The following DAZAP1 variants were observed in gnomAD, a reference collection of about 807,000 sequenced individuals.
DAZAP1 encodes the protein DAZ-associated protein 1.
In DAZAP1, 6 loss-of-function variants were observed where a neutral mutation model predicts 60.1. The observed-to-expected ratio is 0.10, with a 90% CI of 0.05 to 0.20. The LOEUF (loss-of-function observed/expected upper bound fraction) is 0.20. Among genes scored for constraint, DAZAP1 ranks in the 10% least tolerant of loss-of-function variants. The pLI is 1.00. For synonymous variants in DAZAP1, 235 were observed against 215.9 expected (o/e 1.09, Z -0.78); for missense variants, 366 against 560.4 (o/e 0.65, Z 3.50).
At position 1,426,050 on chromosome 19, in the gene DAZAP1, A is replaced by C; in HGVS notation, c.546+90A>C. 1 of 1,003,348 alleles carries C rather than the reference A, an allele frequency of 1.0e-6. No individual in the cohort carries two copies. The highest frequency in any genetic ancestry group is 1.6e-6 in the Non-Finnish European group (1 of 625,292). 62.2% of individuals were successfully genotyped at this position (1,003,348 alleles called of 1,614,324 possible). On this transcript the variant is annotated intron_variant, in intron 7 of 11. Transcript: ENST00000233078. This position sits in a 1 kb window ranked among gnomAD's most constrained non-coding sequence, Gnocchi z 5.4. The stretch of plus-strand genomic sequence containing the variant: ...ACTGGAAAGGAACATTCCTTCACGG[A>C]AAGGGTCGGGCGAGTTCGTCCTGTG...
In DAZAP1 at chr19:1,413,989, CTGTGTGTGTG is replaced by C. The variant is rs3065755; in HGVS notation, c.30-3477_30-3468del. ...TGCCTCTTGCCCCACCCCCAGTGAACTGTGTGTGTGTGTGTGTGTGTGTGTGTGTGTGTGT... is the reference window on the plus strand; with the variant it reads ...TGCCTCTTGCCCCACCCCCAGTGAACTGTGTGTGTGTGTGTGTGTGTGTGT... On this transcript the variant is annotated intron_variant, in intron 1 of 11. Transcript: ENST00000233078. Among the ~76,000 whole-genome samples, 147 of 130,154 alleles carry C rather than the reference CTGTGTGTGTG, an allele frequency of 1.1e-3. 2 individuals carry two copies. Among genetic ancestry groups the C allele is most frequent in the East Asian group, 6.4e-3 (28 of 4,398 alleles). The allele number at this position is 130,154 out of a possible 152,430, so 85.4% of individuals were successfully genotyped here.
intron 4 of DAZAP1, among the ~76,000 whole-genome samples, chr19:1,419,134 C>A (rs2083073624): frequency 6.6e-6 from 1 of 152,184 alleles, no homozygotes; most frequent in Non-Finnish European, 1.5e-5. Context: ...CACTTGAGAT[C>A]CCCTGACGTG....
At chr19:1,421,115 G>T (rs370844328) in intron 4 of DAZAP1, 33 bp from the exon 5 acceptor site, 12 of 1,603,400 alleles carry the variant, frequency 7.5e-6, no homozygotes, top group East Asian at 2.2e-5. Context: ...GAGGGTTCCC[G>T]TGTGAACTAA....
At chr19:1,409,727 C>T (rs941084019) in intron 1 of DAZAP1, 17 of 152,398 alleles carry the variant, frequency 1.1e-4, no homozygotes, top group African/African-American at 4.1e-4. Context: ...AAGCGCCCTC[C>T]TGGCAAGTCC....
chr19:1,407,616 GGCAGCCGCCGCCGCCGCCGCCGCC>G lies in DAZAP1; in HGVS notation c.-155_-132del. 4.8e-6 allele frequency: 1 copy of G among 206,566 alleles called. No individual in the cohort carries two copies. The allele number at this position is 206,566 out of a possible 1,614,324, so 12.8% of individuals were successfully genotyped here. On this transcript the variant is annotated 5_prime_UTR_variant, in exon 1 of 12. Transcript: ENST00000233078. ...GTGACCGTTGGCGCCGAGGGGAGGA[GGCAGCCGCCGCCGCCGCCGCCGCC>G]GCCGCCGCCGCCGCCGCCGCCGTTG... is the stretch of plus-strand genomic sequence containing the variant.
intron 10 of DAZAP1, among the ~76,000 whole-genome samples, 184 bp downstream of exon 10, chr19:1,430,546 C>T (rs903649499): frequency 5.3e-5 from 8 of 152,160 alleles, no homozygotes; most frequent in African/African-American, 1.7e-4. Context: ...CCTGTGGCCT[C>T]GCTGGTTAGG....
At chr19:1,414,027 GTGTGTT>G (rs1389190890) in intron 1 of DAZAP1, among the ~76,000 whole-genome samples, 1 of 150,280 alleles carries the variant, frequency 6.7e-6, no homozygotes, top group African/African-American at 2.5e-5. Context: ...GTGTGTGTGT[GTGTGTT>G]TAGATGGACC....
chr19:1,414,447 G>A (rs2082916128), intron 1 of DAZAP1, among the ~76,000 whole-genome samples: 1 of 152,138 alleles, frequency 6.6e-6, no homozygotes, highest in South Asian at 2.1e-4. Flanking sequence ...ACAGCACAGT[G>A]ATCAAAATTG....
chr19:1,433,793 GTC>G lies in DAZAP1; in HGVS notation c.1049-942_1049-941del, dbSNP rs1569107546. On this transcript the variant is annotated intron_variant, in intron 11 of 11. Coordinates refer to ENST00000233078, the MANE Select transcript of DAZAP1 (RefSeq NM_018959.4). This position sits in a 1 kb window ranked among gnomAD's most constrained non-coding sequence, Gnocchi z 6.1. ...GGCTGCGGCCCACACTTTGTTTACA[GTC>G]TTATGGTCAGGCTGAGCAGTGATGT... is the stretch of plus-strand genomic sequence containing the variant. 12 of 1,614,046 alleles carry G rather than the reference GTC, an allele frequency of 7.4e-6. No individual in the cohort carries two copies. The highest frequency in any genetic ancestry group is 9.3e-6 in the Non-Finnish European group (11 of 1,179,934).
intron 4 of DAZAP1, among the ~76,000 whole-genome samples, chr19:1,419,493 C>T (rs1427095796): frequency 3.3e-5 from 5 of 152,182 alleles, no homozygotes; most frequent in Non-Finnish European, 7.3e-5. Context: ...AAATGACGGC[C>T]ACCCCTCGCA....
rs752562457 is a variant in DAZAP1, at chr19:1,421,272, C to T, written c.414+14C>T. On this transcript the variant is annotated intron_variant, in intron 5 of 11. Coordinates refer to ENST00000233078, the MANE Select transcript of DAZAP1 (RefSeq NM_018959.4). ...AAGTTCGGAGTGGTGAGTTTCTCCCCACCCCGGCAGCACTGTGGGGACAGA... is the reference window on the plus strand; with the variant it reads ...AAGTTCGGAGTGGTGAGTTTCTCCCTACCCCGGCAGCACTGTGGGGACAGA... 1.2e-6 allele frequency: 2 copies of T among 1,609,984 alleles called. No homozygotes were observed. Among genetic ancestry groups the T allele is most frequent in the African/African-American group, 1.3e-5 (1 of 74,972 alleles).
At chr19:1,430,161 C>A in intron 9 of DAZAP1, 61 bp from the exon 10 acceptor site, 3 of 1,553,842 alleles carry the variant, frequency 1.9e-6, no homozygotes, top group Non-Finnish European at 1.8e-6. Flanking sequence ...CTGGGTCTAA[C>A]TGTGGCCAGT....
intron 6 of DAZAP1, among the ~76,000 whole-genome samples, chr19:1,424,503 C>T (rs2083257059): frequency 6.6e-6 from 1 of 151,700 alleles, no homozygotes. Context: ...GCCCCGTTTC[C>T]ATCTTTCCCC....
chr19:1,432,582 G>T lies in DAZAP1; in HGVS notation c.940G>T (p.Ala314Ser), dbSNP rs747391193. Residue 314 changes from alanine to serine, a missense_variant, in exon 11 of 12, where the codon GCC (alanine) becomes TCC (serine). Ala to Ser is a moderately conservative substitution (Grantham distance 99, BLOSUM62 1). This residue lies in a region of DAZAP1 where 240 missense variants were observed against 308.8 expected (regional missense o/e 0.78). Coordinates refer to ENST00000233078, the MANE Select transcript of DAZAP1 (RefSeq NM_018959.4). The surrounding 1 kb of genome is among the most constrained non-coding windows in gnomAD (Gnocchi z 4.9). ...CCCTCCGGGGGTTCCTCCTCCACCA[G>T]CCACTCCCGGGGCAGCACCTCTGGC... is the stretch of plus-strand genomic sequence containing the variant. ...FAPPGVPPPP[A>S]TPGAAPLAFP... The T allele has an allele frequency of 3.1e-6, 5 of 1,613,732 alleles. No individual in the cohort carries two copies. In the South Asian group the frequency reaches 4.4e-5, roughly 14 times the overall value.
Position 1,434,976 on chromosome 19 carries a change from A to G in DAZAP1, c.*64A>G, listed in dbSNP as rs1334513945. 6 of 840,486 alleles carry G rather than the reference A, an allele frequency of 7.1e-6. No individual in the cohort carries two copies. The highest frequency in any genetic ancestry group is 3.1e-4 in the Middle Eastern group (1 of 3,258). 52.1% of individuals were successfully genotyped at this position (840,486 alleles called of 1,614,324 possible). A position where few individuals can be genotyped will look rare whatever the true frequency, so the allele number is the denominator to read the frequency against. On this transcript the variant is annotated 3_prime_UTR_variant, in exon 12 of 12. Coordinates refer to ENST00000233078, the MANE Select transcript of DAZAP1 (RefSeq NM_018959.4). The surrounding 1 kb of genome is among the most constrained non-coding windows in gnomAD (Gnocchi z 8.0). ...ATTCCAAACTTGTGAACTCGTGACA[A>G]TCACAAACTTGGCGGCAAAGTGGCG...
rs1360410082 is a variant in DAZAP1 at position 1,426,574 on chromosome 19, C to G, written c.546+614C>G. 6.6e-6 allele frequency: 1 copy of G among 152,154 alleles called. No individual in the cohort carries two copies. The highest frequency in any genetic ancestry group is 1.9e-4 in the East Asian group (1 of 5,186). The allele number at this position is 152,154 out of a possible 1,614,324, so 9.4% of individuals were successfully genotyped here. On this transcript the variant is annotated intron_variant, in intron 7 of 11. Coordinates refer to ENST00000233078, the MANE Select transcript of DAZAP1 (RefSeq NM_018959.4). The surrounding 1 kb of genome is among the most constrained non-coding windows in gnomAD (Gnocchi z 5.4). ...GGAGGTGAGAGGGACAGGAGGCCAC[C>G]CCCCCAACCCCCAGGCCAGCCCTTG...
In DAZAP1 at chr19:1,433,943, C is replaced by A; in HGVS notation, c.1049-794C>A. 1 of 913,226 alleles carries A rather than the reference C, an allele frequency of 1.1e-6. No homozygotes were observed. The highest frequency in any genetic ancestry group is 1.7e-6 in the Non-Finnish European group (1 of 585,834). 56.6% of individuals were successfully genotyped at this position (913,226 alleles called of 1,614,324 possible). A position where few individuals can be genotyped will look rare whatever the true frequency, so the allele number is the denominator to read the frequency against. ...GCTGGCGGTGCCCTCTGGGAAGGGG[C>A]CCTTGCCGGTGCCAAGACATTGGCC... On this transcript the variant is annotated intron_variant, in intron 11 of 11. Coordinates refer to ENST00000233078, the MANE Select transcript of DAZAP1 (RefSeq NM_018959.4). This position sits in a 1 kb window ranked among gnomAD's most constrained non-coding sequence, Gnocchi z 6.1.
At chr19:1,419,020 GGCCTGCCCCCTCCCACT>G (rs2083070591) in intron 4 of DAZAP1, among the ~76,000 whole-genome samples, 1 of 151,290 alleles carries the variant, frequency 6.6e-6, no homozygotes, top group African/African-American at 2.4e-5. Flanking sequence ...CTCTGTGCCG[GGCCTGCCCCCTCCCACT>G]GCCTGGCCCT....
rs1346356238 is a variant in DAZAP1, at chr19:1,423,841, C to G, written c.463+1445C>G. Among the ~76,000 whole-genome samples the G allele has an allele frequency of 6.6e-6, 1 of 152,250 alleles. No homozygotes were observed. Among genetic ancestry groups the G allele is most frequent in the Non-Finnish European group, 1.5e-5 (1 of 68,038 alleles). The stretch of plus-strand genomic sequence containing the variant: ...GCGCCCCTTCTCCTCGCGTCCTGTC[C>G]TGTCCCGTGTGGACGGGACGTGGCG... On this transcript the variant is annotated intron_variant, in intron 6 of 11. Transcript: ENST00000233078. The surrounding 1 kb of genome is among the most constrained non-coding windows in gnomAD (Gnocchi z 6.8).
Sources: allele counts gnomAD v4.1 joint callset (sites outside exome capture counted in the v4.1 genomes callset), GRCh38; gene constraint gnomAD v4.1.1; regional missense constraint gnomAD v4.1.1; non-coding constraint Gnocchi (gnomAD v3.1); transcripts MANE v1.5; gene names NCBI Gene and HGNC (gene_info 2026-07-23, HGNC 2026-07-21).